PLD4: variants seen among roughly 807,000 people sequenced by gnomAD.
The protein encoded by PLD4 is phospholipase D family member 4.
In PLD4, 54 loss-of-function variants were observed where a neutral mutation model predicts 52.3. The ratio of observed to expected loss-of-function variants is 1.03; its 90% CI spans 0.83 to 1.30. PLD4 has a LOEUF of 1.30. PLD4 is among the 50% of genes most tolerant of loss of function. PLD4 has a pLI of 0.00. For missense variants in PLD4, 731 were observed against 671.1 expected, an observed-to-expected ratio of 1.09 and a Z score of -0.99; for synonymous variants, 264 against 286.5, an observed-to-expected ratio of 0.92 and a Z score of 0.79.
intron 2 of PLD4, 120 bp downstream of exon 2, chr14:104,927,350 C>G (rs1897491133): frequency 1.1e-6 from 1 of 927,682 alleles, no homozygotes; most frequent in Non-Finnish European, 1.6e-6. Context: ...GGTGCCCTGA[C>G]TGGTGGGCAA....
Position 104,929,316 on chromosome 14 carries a change from C to G in PLD4, c.478C>G (p.Leu160Val). ...NDSSSQLGEA[L>V]LQKLQQLLGR... ...TGGCCTGGCCTTGCAGGGAGAGGCT[C>G]TTCTGCAGAAGCTGCAGCAGCTGCT... The change falls in exon 5 of 11, where the codon CTT becomes GTT. Residue 160 changes from leucine (L) to valine (V), a missense_variant. Coordinates refer to ENST00000392593, the MANE Select transcript of PLD4 (RefSeq NM_138790.5). 2 of 1,582,750 alleles carry G rather than the reference C, an allele frequency of 1.3e-6. No homozygotes were observed. Among genetic ancestry groups the G allele is most frequent in the Non-Finnish European group, 1.7e-6 (2 of 1,164,920 alleles).
rs1897501198 is a variant in PLD4, at chr14:104,927,672, G to A, written c.91-1G>A. The A allele has an allele frequency of 6.3e-7, 1 of 1,585,570 alleles. No individual in the cohort carries two copies. Among genetic ancestry groups the A allele is most frequent in the Non-Finnish European group, 8.6e-7 (1 of 1,169,452 alleles). ...GACCCTGCGGGTGCTGCCCCATCCA[G>A]TTGCAGGTCCTGGGAGCGCTGGCTG... On this transcript the variant is annotated splice_acceptor_variant, in intron 2 of 10. Coordinates refer to ENST00000392593, the MANE Select transcript of PLD4 (RefSeq NM_138790.5). LOFTEE classifies it high-confidence loss of function.
downstream of PLD4, chr14:104,935,339 C>T (rs1472702609): frequency 6.6e-6 from 1 of 152,266 alleles, no homozygotes; most frequent in Non-Finnish European, 1.5e-5. Flanking sequence ...CAGTGAAAGG[C>T]CTCTTTCCAC....
In PLD4 at chr14:104,932,494, C is replaced by T. The variant is rs1470985577; in HGVS notation, c.1321+139C>T. The T allele has an allele frequency of 7.8e-6, 8 of 1,027,524 alleles. No individual in the cohort carries two copies. The highest frequency in any genetic ancestry group is 1.6e-5 in the African/African-American group (1 of 62,454). 63.7% of individuals were successfully genotyped at this position (1,027,524 alleles called of 1,614,324 possible). On this transcript the variant is annotated intron_variant, in intron 10 of 10. Transcript: ENST00000392593. This position sits in a 1 kb window ranked among gnomAD's most constrained non-coding sequence, Gnocchi z 6.5. ...GGGGGACGGGGTCTCCATGGAGTTC[C>T]GGGGACCAGGCCACCCGCCTGTCAC...
chr14:104,931,843 C>G lies in PLD4; in HGVS notation c.1014C>G (p.Ser338=), dbSNP rs775715860. Residue 338 remains serine (S), a synonymous_variant, in exon 8 of 11, where the codon TCC becomes TCG. Coordinates refer to ENST00000392593, the MANE Select transcript of PLD4 (RefSeq NM_138790.5). ...MGSAQEFIYA[S]VMEYFPTTRF... Reference sequence around the variant, plus strand: ...GCGCCCAGGAGTTCATCTATGCCTCCGTGATGGAGTATTTCCCCACCACGC... The same window carrying G: ...GCGCCCAGGAGTTCATCTATGCCTCGGTGATGGAGTATTTCCCCACCACGC... The G allele has an allele frequency of 2.6e-6, 4 of 1,560,656 alleles. No individual in the cohort carries two copies. Among genetic ancestry groups the G allele is most frequent in the African/African-American group, 1.4e-5 (1 of 73,520 alleles).
rs777798947 is a variant in PLD4 at position 104,932,774 on chromosome 14, A to C, written c.1331A>C (p.Asn444Thr). The C allele has an allele frequency of 3.8e-6, 6 of 1,576,472 alleles. No individual in the cohort carries two copies. Among genetic ancestry groups the C allele is most frequent in the Non-Finnish European group, 5.2e-6 (6 of 1,158,584 alleles). Residue 444 changes from asparagine (N) to threonine (T), a missense_variant, in exon 11 of 11, where the codon AAC (asparagine) becomes ACC (threonine). By Grantham distance (65) the Asn-to-Thr change is moderately conservative. Coordinates refer to ENST00000392593, the MANE Select transcript of PLD4 (RefSeq NM_138790.5). The surrounding 1 kb of genome is among the most constrained non-coding windows in gnomAD (Gnocchi z 6.5). ...TCCATCCTCCCCGCAGGCACCTCCA[A>C]CTGGTCGGAGGATTACTTCAGCAGC... is the stretch of plus-strand genomic sequence containing the variant. ...TEKAAYIGTS[N>T]WSEDYFSSTA...
At chr14:104,928,012 C>T in intron 3 of PLD4, 146 bp downstream of exon 3, 1 of 942,692 alleles carries the variant, frequency 1.1e-6, no homozygotes, top group Non-Finnish European at 1.5e-6. Context: ...GGGCCACGAC[C>T]ATATGAGCTG....
chr14:104,934,508 C>T (rs1164923913), downstream of PLD4: 1 of 152,192 alleles, frequency 6.6e-6, no homozygotes, highest in Non-Finnish European at 1.5e-5. Context: ...ACCAAGACCA[C>T]AGGGTACCCT....
chr14:104,931,948 C>A, intron 8 of PLD4, 61 bp downstream of exon 8: 1 of 1,524,202 alleles, frequency 6.6e-7, no homozygotes, highest in East Asian at 2.3e-5. Context: ...GGGCACGTCC[C>A]CTCCTGCTGG....
chr14:104,928,522 G>C (rs2819469), intron 3 of PLD4, among the ~76,000 whole-genome samples: 1 of 151,940 alleles, frequency 6.6e-6, no homozygotes. Flanking sequence ...TTCCCAAATT[G>C]CTCCTGGGTG....
chr14:104,929,176 C>G (rs1336493255), intron 4 of PLD4, 131 bp from the exon 5 acceptor site: 10 of 1,416,060 alleles, frequency 7.1e-6, no homozygotes, highest in Middle Eastern at 2.0e-4. Flanking sequence ...CAAGGGTCAT[C>G]CAGATACTTG....
Position 104,932,304 on chromosome 14 carries a change from A to G in PLD4, c.1270A>G (p.Ser424Gly). Reference sequence around the variant, plus strand: ...GGGGAACCATTCCAACATCCCATTCAGCAGGGTGAACCACAGCAAGTTCAT... The same window carrying G: ...GGGGAACCATTCCAACATCCCATTCGGCAGGGTGAACCACAGCAAGTTCAT... ...PVGNHSNIPF[S>G]RVNHSKFMVT... is the part of the protein sequence containing the mutation. The change falls in exon 10 of 11, where the codon AGC becomes GGC. Residue 424 changes from serine (S) to glycine (G), a missense_variant. Transcript: ENST00000392593. This position sits in a 1 kb window ranked among gnomAD's most constrained non-coding sequence, Gnocchi z 6.5. The G allele has an allele frequency of 1.2e-6, 2 of 1,612,716 alleles. No homozygotes were observed. The highest frequency in any genetic ancestry group is 1.7e-6 in the Non-Finnish European group (2 of 1,179,864).
intron 7 of PLD4, among the ~76,000 whole-genome samples, 186 bp downstream of exon 7, chr14:104,931,128 C>A (rs560320089): frequency 1.3e-4 from 20 of 152,304 alleles, no homozygotes; most frequent in Admixed American, 4.6e-4. Flanking sequence ...TCAGTAGGCT[C>A]TGGGCTGTGC....
chr14:104,928,919 C>G lies in PLD4; in HGVS notation c.455C>G (p.Ser152Trp), dbSNP rs201959593. ...LTGPDIGVND[S>W]SSQLGEALLQ... is the part of the protein sequence containing the mutation. ...GGGCCTGACATCGGGGTCAACGACT[C>G]GTCTTCCCAGCTGGTGCGCCCCGCC... Residue 152 changes from serine (S) to tryptophan (W), a missense_variant, in exon 4 of 11, where the codon TCG (serine) becomes TGG (tryptophan). Coordinates refer to ENST00000392593, the MANE Select transcript of PLD4 (RefSeq NM_138790.5). The G allele has an allele frequency of 7.6e-5, 121 of 1,600,274 alleles. 1 individual carries two copies. In the Middle Eastern group the frequency reaches 2.7e-3, roughly 35 times the overall value.
chr14:104,936,730 A>T (rs1006366223), downstream of PLD4: 2 of 152,338 alleles, frequency 1.3e-5, no homozygotes, highest in African/African-American at 2.4e-5. Context: ...CTAGGCCAGG[A>T]GGGAGCTGGG....
Position 104,931,864 on chromosome 14 carries a change from C to A in PLD4, c.1035C>A (p.Thr345=). The change falls in exon 8 of 11, where the codon ACC becomes ACA. Residue 345 remains threonine (T), a synonymous_variant. Coordinates refer to ENST00000392593, the MANE Select transcript of PLD4 (RefSeq NM_138790.5). ...IYASVMEYFP[T]TRFSHPPRYW... ...CCTCCGTGATGGAGTATTTCCCCAC[C>A]ACGCGCTTCAGCCACCCCCCGAGGT... The A allele has an allele frequency of 6.5e-7, 1 of 1,544,068 alleles. No homozygotes were observed. The highest frequency in any genetic ancestry group is 1.2e-5 in the South Asian group (1 of 81,240).
At chr14:104,930,673 T>C in intron 6 of PLD4, 69 bp from the exon 7 acceptor site, 9 of 1,544,770 alleles carry the variant, frequency 5.8e-6, no homozygotes, top group Non-Finnish European at 8.0e-6. Flanking sequence ...ATCCCTGGCC[T>C]GGGTGGAGTG....
intron 6 of PLD4, among the ~76,000 whole-genome samples, chr14:104,930,417 C>T (rs1389565793): frequency 6.6e-6 from 1 of 152,178 alleles, no homozygotes; most frequent in Non-Finnish European, 1.5e-5. Context: ...TCAGAATGGT[C>T]ATGGCAAAGG....
At chr14:104,933,301 T>G, downstream of PLD4, 1 of 228,886 alleles carries the variant, frequency 4.4e-6, no homozygotes. Flanking sequence ...CCCGCCTCTA[T>G]GCGCCCGCCC....
Sources: allele counts gnomAD v4.1 joint callset (sites outside exome capture counted in the v4.1 genomes callset), GRCh38; gene constraint gnomAD v4.1.1; non-coding constraint Gnocchi (gnomAD v3.1); transcripts MANE v1.5; gene names NCBI Gene and HGNC (gene_info 2026-07-23, HGNC 2026-07-21).